The following CADPS variants were observed in gnomAD, a reference collection of about 807,000 sequenced individuals.
The protein encoded by CADPS is calcium-dependent secretion activator 1.
CADPS carries 57 observed loss-of-function variants against 167.3 expected under a neutral mutation model. The ratio of observed to expected loss-of-function variants is 0.34; its 90% CI spans 0.28 to 0.42. The LOEUF is 0.42. Ranked by LOEUF, CADPS falls within the 20% of genes least tolerant of loss-of-function variation. The pLI, the probability that CADPS is intolerant of heterozygous loss-of-function variation, is 1.00. For synonymous variants in CADPS, 676 were observed against 635.3 expected (o/e 1.06, Z -0.96); for missense variants, 1,414 against 1,738.1 (o/e 0.81, Z 3.32).
intron 1 of CADPS, among the ~76,000 whole-genome samples, chr3:62,789,587 A>G (rs191665584): frequency 1.3e-5 from 2 of 152,320 alleles, no homozygotes; most frequent in Admixed American, 1.3e-4. Flanking sequence ...TTTTACCAAT[A>G]GGCTGGCAAA....
chr3:62,820,461 C>T (rs1467847246), intron 1 of CADPS, among the ~76,000 whole-genome samples: 9 of 152,068 alleles, frequency 5.9e-5, no homozygotes, highest in African/African-American at 1.7e-4. Flanking sequence ...TCCCTCAGTC[C>T]TATATTTTAT....
At position 62,481,788 on chromosome 3, in the gene CADPS, A is replaced by C. The variant is rs537836975; in HGVS notation, c.3108T>G (p.Pro1036=). ...PKVPNLPVNI[P]LGIPQMPTFS... ...AAGTAGGCATTTGTGGGATGCCTAG[A>C]GGGATGTTAACTGGTAGATTTGGTA... Residue 1036 remains proline, a synonymous_variant, in exon 22 of 30, where the codon CCT becomes CCG. Transcript: ENST00000383710. The C allele has an allele frequency of 3.1e-6, 5 of 1,611,600 alleles. No individual in the cohort carries two copies. The Admixed American group carries it at 8.4e-5, about 27-fold the overall frequency.
chr3:62,571,422 G>A (rs957208778), intron 8 of CADPS, among the ~76,000 whole-genome samples: 1 of 152,114 alleles, frequency 6.6e-6, no homozygotes, highest in Non-Finnish European at 1.5e-5. Context: ...ACATAGGAAG[G>A]TCTCCCCACT....
chr3:62,413,824 T>A (rs1287196629), intron 28 of CADPS, among the ~76,000 whole-genome samples: 1 of 152,138 alleles, frequency 6.6e-6, no homozygotes, highest in Non-Finnish European at 1.5e-5. Flanking sequence ...AAACGAAACT[T>A]TGCCTAAGAA....
chr3:62,469,367 G>T (rs756826077), intron 24 of CADPS, among the ~76,000 whole-genome samples: 9 of 152,074 alleles, frequency 5.9e-5, no homozygotes, highest in Admixed American at 1.3e-4. Context: ...CTCCATGAAG[G>T]GGTATATATA....
chr3:62,538,379 T>C (rs1019920704), intron 11 of CADPS, among the ~76,000 whole-genome samples: 8 of 152,068 alleles, frequency 5.3e-5, no homozygotes, highest in African/African-American at 1.7e-4. Flanking sequence ...ATAATGACAC[T>C]CCTGCAATCC....
At chr3:62,622,592 T>C (rs1293966373) in intron 6 of CADPS, among the ~76,000 whole-genome samples, 12 of 152,170 alleles carry the variant, frequency 7.9e-5, no homozygotes, top group Non-Finnish European at 1.5e-5. Context: ...CATTAACTAC[T>C]AGTATTTTTA....
chr3:62,825,872 T>C (rs547977153), intron 1 of CADPS, among the ~76,000 whole-genome samples: 2 of 152,282 alleles, frequency 1.3e-5, no homozygotes, highest in African/African-American at 4.8e-5. Context: ...CATCATTCAT[T>C]CTGAGACACG....
chr3:62,730,456 C>T (rs1046406231), intron 3 of CADPS, among the ~76,000 whole-genome samples: 1 of 152,166 alleles, frequency 6.6e-6, no homozygotes, highest in African/African-American at 2.4e-5. Context: ...CTCTCAGCCC[C>T]TCATACTCCT....
At chr3:62,453,321 T>A (rs2058303688) in intron 26 of CADPS, among the ~76,000 whole-genome samples, 1 of 152,280 alleles carries the variant, frequency 6.6e-6, no homozygotes, top group East Asian at 1.9e-4. Flanking sequence ...TGTGCCGATA[T>A]GACTTTCATT....
At chr3:62,745,478 C>T (rs1411464346) in intron 3 of CADPS, among the ~76,000 whole-genome samples, 4 of 152,198 alleles carry the variant, frequency 2.6e-5, no homozygotes, top group Admixed American at 6.5e-5. Flanking sequence ...TATCTAATGA[C>T]TTCTAGGGGC....
intron 9 of CADPS, among the ~76,000 whole-genome samples, chr3:62,562,038 TC>T (rs2079255035): frequency 6.6e-6 from 1 of 152,218 alleles, no homozygotes; most frequent in Non-Finnish European, 1.5e-5. Context: ...TAGACATTAA[TC>T]CCATGATTTC....
At chr3:62,469,732 T>A in intron 24 of CADPS, 1 of 161,150 alleles carries the variant, frequency 6.2e-6, no homozygotes. Context: ...GTGGTCCCGA[T>A]CTCTTGACCT....
chr3:62,445,896 G>T, intron 26 of CADPS, 99 bp from the exon 27 acceptor site: 1 of 760,440 alleles, frequency 1.3e-6, no homozygotes, highest in Non-Finnish European at 2.0e-6. Flanking sequence ...CAACATGCTG[G>T]CACATGGAGC....
At chr3:62,516,337 T>C (rs1011601172) in intron 15 of CADPS, among the ~76,000 whole-genome samples, 155 bp from the exon 16 acceptor site, 5 of 152,152 alleles carry the variant, frequency 3.3e-5, no homozygotes, top group African/African-American at 4.8e-5. Flanking sequence ...TTGCAAAGCA[T>C]TGGCAAAGGC....
intron 1 of CADPS, among the ~76,000 whole-genome samples, chr3:62,872,138 C>T (rs2082749215): frequency 6.6e-6 from 1 of 151,898 alleles, no homozygotes; most frequent in South Asian, 2.1e-4. Context: ...TTTTCTAGTT[C>T]ATCCTTTTCT....
At chr3:62,775,524 C>A (rs565928617) in intron 1 of CADPS, among the ~76,000 whole-genome samples, 73 of 152,174 alleles carry the variant, frequency 4.8e-4, no homozygotes, top group Non-Finnish European at 8.5e-4. Flanking sequence ...AAGAAACTGT[C>A]CAGATTATGG....
At chr3:62,635,704 G>A (rs573987501) in intron 6 of CADPS, among the ~76,000 whole-genome samples, 1 of 148,716 alleles carries the variant, frequency 6.7e-6, no homozygotes, top group East Asian at 2.0e-4. Flanking sequence ...TGTTCTTTTA[G>A]GTATGGAGCC....
intron 3 of CADPS, among the ~76,000 whole-genome samples, chr3:62,685,384 T>G (rs73844504): frequency 0.011 from 1,640 of 152,042 alleles, 30 homozygotes; most frequent in African/African-American, 0.037. Flanking sequence ...TATATGGAAG[T>G]GTTTGGTGAA....
Sources: gnomAD v4.1 joint callset for allele counts (sites outside exome capture counted in the v4.1 genomes callset) on GRCh38, gnomAD v4.1.1 for gene constraint, MANE v1.5 for transcripts, NCBI Gene and HGNC (gene_info 2026-07-23, HGNC 2026-07-21) for gene names.